KREMEN1: variants seen among roughly 807,000 people sequenced by gnomAD.
The protein encoded by KREMEN1 is kremen protein 1.
KREMEN1 carries 30 observed loss-of-function variants against 46.5 expected under a neutral mutation model. The ratio of observed to expected loss-of-function variants is 0.65; its 90% CI spans 0.48 to 0.88. The LOEUF is 0.88. Among genes scored for constraint, KREMEN1 ranks in the 40% least tolerant of loss-of-function variants. The pLI, the probability that KREMEN1 is intolerant of heterozygous loss-of-function variation, is 0.00. For synonymous variants in KREMEN1, 214 were observed against 230.6 expected (o/e 0.93, Z 0.65); for missense variants, 533 against 596.9 (o/e 0.89, Z 1.11).
chr22:29,117,096 C>A (rs923787092), intron 3 of KREMEN1, among the ~76,000 whole-genome samples: 4 of 152,118 alleles, frequency 2.6e-5, no homozygotes, highest in Admixed American at 2.0e-4. Flanking sequence ...GTACTTCCTG[C>A]CAATTTAAAA....
intron 9 of KREMEN1, among the ~76,000 whole-genome samples, chr22:29,152,338 G>A (rs557398587): frequency 3.3e-5 from 5 of 152,274 alleles, no homozygotes; most frequent in South Asian, 2.1e-4. Flanking sequence ...ATTGTTTTGC[G>A]TCTCCCAGGT....
intron 5 of KREMEN1, among the ~76,000 whole-genome samples, chr22:29,133,326 G>A (rs2038596937): frequency 6.6e-6 from 1 of 150,924 alleles, no homozygotes; most frequent in South Asian, 2.1e-4. Context: ...TTGAGACAGG[G>A]TCTTACTCTG....
rs1466228031 is a variant in KREMEN1 at position 29,143,069 on chromosome 22, GA to G, written c.*959del. Reference sequence around the variant, plus strand: ...GAAGGCTGAGACAGAAGAACAGCTTGAACCCAGGAGGCTGAGATTGCAGTGA... The same window carrying G: ...GAAGGCTGAGACAGAAGAACAGCTTGACCCAGGAGGCTGAGATTGCAGTGA... On this transcript the variant is annotated 3_prime_UTR_variant, in exon 9 of 9. Transcript: ENST00000400335. The G allele has an allele frequency of 1.8e-6, 1 of 560,954 alleles. No homozygotes were observed. Among genetic ancestry groups the G allele is most frequent in the African/African-American group, 2.0e-5 (1 of 49,004 alleles). 34.7% of individuals were successfully genotyped at this position (560,954 alleles called of 1,614,324 possible). A position where few individuals can be genotyped will look rare whatever the true frequency, so the allele number is the denominator to read the frequency against.
At chr22:29,091,557 A>C (rs1054744141) in intron 1 of KREMEN1, among the ~76,000 whole-genome samples, 1 of 152,214 alleles carries the variant, frequency 6.6e-6, no homozygotes, top group Non-Finnish European at 1.5e-5. Context: ...AAATTCTAGC[A>C]ATTGGCAAGG....
chr22:29,133,065 G>A (rs971201574), intron 5 of KREMEN1, among the ~76,000 whole-genome samples: 4 of 151,962 alleles, frequency 2.6e-5, no homozygotes, highest in Admixed American at 2.0e-4. Context: ...TGGCGAACAC[G>A]GTGAAACCCC....
chr22:29,137,479 A>C lies in KREMEN1; in HGVS notation c.769A>C (p.Ser257Arg). The change falls in exon 6 of 9, where the codon AGC (serine) becomes CGC (arginine). Residue 257 changes from serine (S) to arginine (R), a missense_variant. Ser to Arg is a moderately radical substitution (Grantham distance 110). Coordinates refer to ENST00000400335, the MANE Select transcript of KREMEN1 (RefSeq NM_001039570.3). ...TCCGGGGGCCTCCCACATCCACTTC[A>C]GCTTCCCCCTATTTGACATCAGGGA... is the stretch of plus-strand genomic sequence containing the variant. ...RVPGASHIHF[S>R]FPLFDIRDSA... 6.2e-7 allele frequency: 1 copy of C among 1,607,584 alleles called. No individual in the cohort carries two copies. Among genetic ancestry groups the C allele is most frequent in the Non-Finnish European group, 8.5e-7 (1 of 1,174,662 alleles).
intron 3 of KREMEN1, among the ~76,000 whole-genome samples, chr22:29,107,817 C>T (rs2038084915): frequency 6.6e-6 from 1 of 152,102 alleles, no homozygotes; most frequent in Non-Finnish European, 1.5e-5. Context: ...GCTGAGCTCG[C>T]ATCACAGGCA....
chr22:29,143,055 CAGA>C lies in KREMEN1; in HGVS notation c.*948_*950del, dbSNP rs2038793811. Reference sequence around the variant, plus strand: ...ATCCCAGCTACTCAGAAGGCTGAGACAGAAGAACAGCTTGAACCCAGGAGGCTG... The same window carrying C: ...ATCCCAGCTACTCAGAAGGCTGAGACAGAACAGCTTGAACCCAGGAGGCTG... On this transcript the variant is annotated 3_prime_UTR_variant, in exon 9 of 9. Coordinates refer to ENST00000400335, the MANE Select transcript of KREMEN1 (RefSeq NM_001039570.3). The C allele has an allele frequency of 4.0e-6, 2 of 504,458 alleles. No homozygotes were observed. Among genetic ancestry groups the C allele is most frequent in the Non-Finnish European group, 2.6e-6 (1 of 390,530 alleles). The allele number at this position is 504,458 out of a possible 1,614,324, so 31.2% of individuals were successfully genotyped here. A position where few individuals can be genotyped will look rare whatever the true frequency, so the allele number is the denominator to read the frequency against.
At chr22:29,153,344 C>G (rs181594030) in intron 9 of KREMEN1, among the ~76,000 whole-genome samples, 16 of 152,222 alleles carry the variant, frequency 1.1e-4, no homozygotes, top group African/African-American at 3.1e-4. Context: ...CCCAGCTGGT[C>G]TCAGCCTCAT....
At chr22:29,163,044 C>T (rs765364963) in intron 9 of KREMEN1, among the ~76,000 whole-genome samples, 6 of 152,216 alleles carry the variant, frequency 3.9e-5, no homozygotes, top group Middle Eastern at 3.4e-3. Context: ...TGTCCTCACA[C>T]AAATCTCATC....
At chr22:29,164,902 T>C (rs132311) in intron 9 of KREMEN1, among the ~76,000 whole-genome samples, 139,274 of 152,138 alleles carry the variant, frequency 0.92, 63,994 homozygotes, top group Middle Eastern at 0.93. Context: ...TGGCCAGGCA[T>C]GGTAGCTCAG....
At position 29,137,694 on chromosome 22, in the gene KREMEN1, T is replaced by G. The variant is rs781678617; in HGVS notation, c.964+20T>G. 6.4e-7 allele frequency: 1 copy of G among 1,561,562 alleles called. No individual in the cohort carries two copies. The highest frequency in any genetic ancestry group is 8.8e-7 in the Non-Finnish European group (1 of 1,142,384). On this transcript the variant is annotated intron_variant, in intron 6 of 8. Transcript: ENST00000400335. ...ACCAAGGTAAGACATCTTTGCCTCCTTGGGGGTTCTTCAGGGCCCACGTGC... is the reference window on the plus strand; with the variant it reads ...ACCAAGGTAAGACATCTTTGCCTCCGTGGGGGTTCTTCAGGGCCCACGTGC...
intron 5 of KREMEN1, among the ~76,000 whole-genome samples, chr22:29,131,718 GTA>G (rs201767234): frequency 4.5e-4 from 56 of 125,378 alleles, no homozygotes; most frequent in South Asian, 2.4e-3. Context: ...ATGTATATAT[GTA>G]TATATATGTA....
intron 3 of KREMEN1, among the ~76,000 whole-genome samples, chr22:29,116,945 A>C (rs1311752079): frequency 2.6e-5 from 4 of 152,166 alleles, no homozygotes; most frequent in African/African-American, 9.7e-5. Context: ...GCTACTATAG[A>C]GATTTAGTTT....
chr22:29,142,233 C>T lies in KREMEN1; in HGVS notation c.*121C>T, dbSNP rs2038775852. On this transcript the variant is annotated 3_prime_UTR_variant, in exon 9 of 9. Coordinates refer to ENST00000400335, the MANE Select transcript of KREMEN1 (RefSeq NM_001039570.3). Reference sequence around the variant, plus strand: ...TCCTCTCCCTCTGCCTCGGCCTCTTCGGGGAAACCCTCCTCCTACAGACTA... The same window carrying T: ...TCCTCTCCCTCTGCCTCGGCCTCTTTGGGGAAACCCTCCTCCTACAGACTA... The T allele has an allele frequency of 7.2e-6, 10 of 1,385,256 alleles. No individual in the cohort carries two copies. The highest frequency in any genetic ancestry group is 3.1e-5 in the Admixed American group (1 of 32,278). 85.8% of individuals were successfully genotyped at this position (1,385,256 alleles called of 1,614,324 possible).
chr22:29,154,657 A>C (rs1008933875), intron 9 of KREMEN1: 2 of 152,188 alleles, frequency 1.3e-5, no homozygotes, highest in Non-Finnish European at 1.5e-5. Context: ...CTGCGGAAGA[A>C]GGCCAGCCCT....
intron 1 of KREMEN1, among the ~76,000 whole-genome samples, chr22:29,078,564 T>C (rs551896671): frequency 2.0e-5 from 3 of 152,296 alleles, no homozygotes; most frequent in South Asian, 4.1e-4. Flanking sequence ...CATGGTTCTG[T>C]TGTCATATTT....
Position 29,145,578 on chromosome 22 carries a change from C to A in KREMEN1, c.*3466C>A. On this transcript the variant is annotated 3_prime_UTR_variant, in exon 9 of 9. Transcript: ENST00000400335. ...AGCTGTGGCCCCTAGTTTCTAGCAG[C>A]GTTTCTCAGTGTCCTTGGCCCTTCT... 1.0e-6 allele frequency: 1 copy of A among 985,524 alleles called. No individual in the cohort carries two copies. The highest frequency in any genetic ancestry group is 1.7e-5 in the African/African-American group (1 of 57,372). 61.0% of individuals were successfully genotyped at this position (985,524 alleles called of 1,614,324 possible).
At chr22:29,114,893 A>G (rs995288252) in intron 3 of KREMEN1, among the ~76,000 whole-genome samples, 1 of 152,258 alleles carries the variant, frequency 6.6e-6, no homozygotes, top group Non-Finnish European at 1.5e-5. Context: ...GAAAGGTTTC[A>G]TCCAAAATGA....
Sources: gnomAD v4.1 joint callset for allele counts (sites outside exome capture counted in the v4.1 genomes callset) on GRCh38, gnomAD v4.1.1 for gene constraint, MANE v1.5 for transcripts, NCBI Gene and HGNC (gene_info 2026-07-23, HGNC 2026-07-21) for gene names.